Variants in PLPP1 observed in about 807,000 individuals in gnomAD.
PLPP1 encodes phospholipid phosphatase 1, also known as lipid phosphate phosphohydrolase 1a.
In PLPP1, 24 loss-of-function variants were observed where a neutral mutation model predicts 31.2. The observed-to-expected ratio is 0.77, with a 90% CI of 0.56 to 1.08. The LOEUF is 1.08. PLPP1 is among the 50% of genes least tolerant of loss of function. The pLI, the probability that PLPP1 is intolerant of heterozygous loss-of-function variation, is 0.00. For missense variants in PLPP1, 319 were observed against 342.7 expected (o/e 0.93, Z 0.55); for synonymous variants, 146 against 126.3 (o/e 1.16, Z -1.05).
intron 1 of PLPP1, among the ~76,000 whole-genome samples, chr5:55,500,572 C>T (rs538787289): frequency 6.6e-6 from 1 of 152,168 alleles, no homozygotes; most frequent in East Asian, 1.9e-4. Flanking sequence ...GTATATACTT[C>T]CATGTTTGAA....
chr5:55,428,753 C>T (rs1751270825), intron 4 of PLPP1, among the ~76,000 whole-genome samples: 1 of 152,180 alleles, frequency 6.6e-6, no homozygotes, highest in African/African-American at 2.4e-5. Flanking sequence ...TAGGTTCCTT[C>T]CTTTGCAGAT....
At chr5:55,512,822 T>C (rs1449756115) in intron 1 of PLPP1, among the ~76,000 whole-genome samples, 1 of 152,202 alleles carries the variant, frequency 6.6e-6, no homozygotes, top group East Asian at 1.9e-4. Flanking sequence ...CTATAACAGA[T>C]GTATGTACAA....
rs1395928416 is a variant in PLPP1 at position 55,530,420 on chromosome 5, CTT to C, written c.58+4150_58+4151del. 7 of 1,262,862 alleles carry C rather than the reference CTT, an allele frequency of 5.5e-6. No individual in the cohort carries two copies. In the African/African-American group the frequency reaches 1.0e-4, roughly 19 times the overall value. The allele number at this position is 1,262,862 out of a possible 1,614,324, so 78.2% of individuals were successfully genotyped here. On this transcript the variant is annotated intron_variant, in intron 1 of 5. Coordinates refer to ENST00000307259, the MANE Select transcript of PLPP1 (RefSeq NM_003711.4). ...AATTTGATTCTTGACACAGGGGACA[CTT>C]ATAAGTAGGATGACCAGAAGAACTT...
chr5:55,533,852 A>C (rs1740772392), intron 1 of PLPP1, among the ~76,000 whole-genome samples: 4 of 152,196 alleles, frequency 2.6e-5, no homozygotes, highest in African/African-American at 9.6e-5. Flanking sequence ...CAGAAGCCTC[A>C]TAACTGAACT....
chr5:55,512,145 A>G (rs905936670), intron 1 of PLPP1, among the ~76,000 whole-genome samples: 9 of 151,778 alleles, frequency 5.9e-5, no homozygotes. Context: ...AAAAAGGAAA[A>G]AAAGAAACTT....
chr5:55,498,376 G>A (rs1199160068), intron 1 of PLPP1, among the ~76,000 whole-genome samples: 1 of 146,268 alleles, frequency 6.8e-6, no homozygotes, highest in Admixed American at 7.1e-5. Flanking sequence ...CTACACAACT[G>A]TGGATCGTGT....
At chr5:55,469,549 G>C (rs185385737) in intron 2 of PLPP1, among the ~76,000 whole-genome samples, 342 of 150,822 alleles carry the variant, frequency 2.3e-3, no homozygotes, top group African/African-American at 8.0e-3. Context: ...AGAGCAGCCT[G>C]AACAGTGGGT....
intron 1 of PLPP1, among the ~76,000 whole-genome samples, chr5:55,476,594 C>A (rs1752556359): frequency 6.6e-6 from 1 of 152,138 alleles, no homozygotes; most frequent in African/African-American, 2.4e-5. Context: ...TGCTTTAAGA[C>A]TGACCCAAGC....
intron 1 of PLPP1, among the ~76,000 whole-genome samples, chr5:55,484,139 G>C (rs544113681): frequency 2.0e-4 from 31 of 152,130 alleles, no homozygotes; most frequent in Non-Finnish European, 3.7e-4. Flanking sequence ...CTTAGCAAAA[G>C]TCCTGCTAAG....
chr5:55,471,958 T>TAAA (rs11454525), intron 2 of PLPP1, among the ~76,000 whole-genome samples: 1 of 150,848 alleles, frequency 6.6e-6, no homozygotes. Flanking sequence ...GTTATCTCTT[T>TAAA]AAAAAAAAAT....
At chr5:55,507,863 T>G (rs1036033080) in intron 1 of PLPP1, among the ~76,000 whole-genome samples, 6 of 151,912 alleles carry the variant, frequency 3.9e-5, no homozygotes, top group African/African-American at 1.4e-4. Flanking sequence ...GAAAACTTTT[T>G]TTTTTTTTTT....
chr5:55,461,424 C>G (rs1561231940), intron 3 of PLPP1, among the ~76,000 whole-genome samples: 1 of 151,946 alleles, frequency 6.6e-6, no homozygotes, highest in Non-Finnish European at 1.5e-5. Context: ...TACTCCATGA[C>G]TAAGTATATA....
intron 3 of PLPP1, among the ~76,000 whole-genome samples, chr5:55,463,942 G>T (rs970093638): frequency 6.6e-6 from 1 of 151,348 alleles, no homozygotes; most frequent in Non-Finnish European, 1.5e-5. Context: ...ACTCAGACAA[G>T]CAACTAATTT....
chr5:55,513,659 G>C (rs1010788063), intron 1 of PLPP1, among the ~76,000 whole-genome samples: 3 of 152,262 alleles, frequency 2.0e-5, no homozygotes, highest in African/African-American at 7.2e-5. Flanking sequence ...TCATACATAG[G>C]CTAGGAGTGG....
chr5:55,532,065 A>T (rs1173671669), intron 1 of PLPP1, among the ~76,000 whole-genome samples: 1 of 152,216 alleles, frequency 6.6e-6, no homozygotes, highest in Non-Finnish European at 1.5e-5. Flanking sequence ...ATTTTATCTT[A>T]TTGACAGCTA....
rs758060655 is a variant in PLPP1 at position 55,468,113 on chromosome 5, G to T, written c.247C>A (p.Leu83Ile). Reference protein sequence around the residue: ...LGETLSVYCNLLHSNSFIRNN... With the variant: ...LGETLSVYCNILHSNSFIRNN... ...CTGATAAAGGAATTTGAGTGCAAAA[G>T]GTTACAGTAAACAGACAGGGTTTCT... is the stretch of plus-strand genomic sequence containing the variant. The change falls in exon 3 of 6, where the codon CTT (leucine) becomes ATT (isoleucine). Residue 83 changes from leucine (L) to isoleucine (I), a missense_variant. By Grantham distance (5) the Leu-to-Ile change is conservative. Coordinates refer to ENST00000307259, the MANE Select transcript of PLPP1 (RefSeq NM_003711.4). 6.2e-7 allele frequency: 1 copy of T among 1,610,512 alleles called. No individual in the cohort carries two copies. The highest frequency in any genetic ancestry group is 8.5e-7 in the Non-Finnish European group (1 of 1,178,126).
intron 2 of PLPP1, among the ~76,000 whole-genome samples, chr5:55,468,600 G>A (rs188040264): frequency 1.4e-4 from 21 of 152,080 alleles, no homozygotes; most frequent in African/African-American, 3.9e-4. Flanking sequence ...TCAGGAGTTC[G>A]AGACCAGCCT....
intron 3 of PLPP1, among the ~76,000 whole-genome samples, chr5:55,448,509 G>A (rs1751821264): frequency 6.7e-6 from 1 of 148,918 alleles, no homozygotes; most frequent in South Asian, 2.1e-4. Flanking sequence ...GTGCCGTGGT[G>A]CAATCTTGGC....
chr5:55,488,662 AAAAC>A (rs1036939707), intron 1 of PLPP1, among the ~76,000 whole-genome samples: 13 of 152,122 alleles, frequency 8.5e-5, no homozygotes, highest in South Asian at 2.1e-4. Context: ...ATAAAAATAA[AAAAC>A]AAACAAACAA....
Sources: gnomAD v4.1 joint callset for allele counts (sites outside exome capture counted in the v4.1 genomes callset) on GRCh38, gnomAD v4.1.1 for gene constraint, MANE v1.5 for transcripts, NCBI Gene and HGNC (gene_info 2026-07-23, HGNC 2026-07-21) for gene names.